GALNT14: variants seen among roughly 807,000 people sequenced by gnomAD.
The protein encoded by GALNT14 is polypeptide N-acetylgalactosaminyltransferase 14.
In GALNT14, 60 loss-of-function variants were observed where a neutral mutation model predicts 77.5. The observed-to-expected ratio is 0.77, with a 90% CI of 0.63 to 0.96. The LOEUF (loss-of-function observed/expected upper bound fraction) is 0.96. Among genes scored for constraint, GALNT14 ranks in the 40% least tolerant of loss-of-function variants. GALNT14 has a pLI of 0.00. For missense variants in GALNT14, 710 were observed against 731.0 expected (o/e 0.97, Z 0.33); for synonymous variants, 280 against 281.7 (o/e 0.99, Z 0.06).
At chr2:30,984,043 A>G (rs181089763) in intron 2 of GALNT14, among the ~76,000 whole-genome samples, 5 of 152,250 alleles carry the variant, frequency 3.3e-5, no homozygotes, top group Admixed American at 6.5e-5. Flanking sequence ...TGTTCTGCTC[A>G]AGTCTGTGCA....
the GALNT14 span, among the ~76,000 whole-genome samples, chr2:30,891,394 A>G: frequency 7.7e-3 from 1,170 of 152,288 alleles, 11 homozygotes; most frequent in African/African-American, 0.025. Flanking sequence ...AGGGTTTACT[A>G]ACAGGTGGGG....
chr2:31,084,655 G>A (rs1676325011), intron 1 of GALNT14, among the ~76,000 whole-genome samples: 1 of 152,142 alleles, frequency 6.6e-6, no homozygotes, highest in Admixed American at 6.5e-5. Context: ...GCAGCCTAAT[G>A]CAAGTCATTT....
chr2:31,118,386 C>T (rs201164382), intron 1 of GALNT14, among the ~76,000 whole-genome samples: 2 of 152,024 alleles, frequency 1.3e-5, no homozygotes, highest in Non-Finnish European at 2.9e-5. Context: ...TCAACAAATA[C>T]AAGCCAGTAG....
chr2:31,097,886 CACTA>C (rs1677079860), intron 1 of GALNT14, among the ~76,000 whole-genome samples: 1 of 152,164 alleles, frequency 6.6e-6, no homozygotes, highest in African/African-American at 2.4e-5. Flanking sequence ...TCAAGCTCAG[CACTA>C]ACTAGCTGAG....
chr2:30,924,360 G>T, intron 12 of GALNT14, 97 bp from the exon 13 acceptor site: 1 of 1,321,120 alleles, frequency 7.6e-7, no homozygotes, highest in Non-Finnish European at 1.1e-6. Context: ...AGAATGGCAG[G>T]GCTGGGCTGT....
chr2:30,993,209 G>A (rs894747032), intron 1 of GALNT14, among the ~76,000 whole-genome samples: 3 of 152,168 alleles, frequency 2.0e-5, no homozygotes, highest in Non-Finnish European at 2.9e-5. Flanking sequence ...ACCATTTTCT[G>A]AGCACTTCTA....
At chr2:30,940,806 C>G (rs1666333371) in intron 9 of GALNT14, among the ~76,000 whole-genome samples, 1 of 152,148 alleles carries the variant, frequency 6.6e-6, no homozygotes, top group Non-Finnish European at 1.5e-5. Flanking sequence ...CTATCACATT[C>G]CAGAAGGCCT....
intron 1 of GALNT14, among the ~76,000 whole-genome samples, chr2:30,994,946 G>A (rs1669931242): frequency 6.6e-6 from 1 of 152,174 alleles, no homozygotes; most frequent in Non-Finnish European, 1.5e-5. Context: ...GGCTATGAGA[G>A]CAGAGGAGTG....
At chr2:31,129,768 G>A (rs1377167027) in intron 1 of GALNT14, 2 of 537,600 alleles carry the variant, frequency 3.7e-6, no homozygotes, top group Non-Finnish European at 4.8e-6. Context: ...TGAGGAATAA[G>A]AGAAGCTACA....
chr2:30,971,671 T>A (rs1668364055), intron 2 of GALNT14, among the ~76,000 whole-genome samples: 1 of 152,116 alleles, frequency 6.6e-6, no homozygotes, highest in Admixed American at 6.5e-5. Context: ...AGGAAAGTGC[T>A]CTGAGATGCT....
At chr2:31,040,481 G>A (rs2148498293) in intron 1 of GALNT14, among the ~76,000 whole-genome samples, 1 of 152,296 alleles carries the variant, frequency 6.6e-6, no homozygotes, top group South Asian at 2.1e-4. Flanking sequence ...TGGAGGTACT[G>A]TGAGTGGTGG....
chr2:30,902,111 G>C, the GALNT14 span, among the ~76,000 whole-genome samples: 2 of 152,172 alleles, frequency 1.3e-5, no homozygotes, highest in African/African-American at 4.8e-5. Context: ...GGAAAGCTTG[G>C]CTACACACAT....
At chr2:31,089,321 TC>T (rs543088570) in intron 1 of GALNT14, among the ~76,000 whole-genome samples, 1 of 152,082 alleles carries the variant, frequency 6.6e-6, no homozygotes, top group Non-Finnish European at 1.5e-5. Context: ...TTCTTTTGAG[TC>T]CCCCACAGTA....
intron 1 of GALNT14, among the ~76,000 whole-genome samples, chr2:31,014,609 A>C (rs139084732): frequency 6.6e-6 from 1 of 152,208 alleles, no homozygotes; most frequent in Non-Finnish European, 1.5e-5. Context: ...TGAGGAACGC[A>C]GCATGCTGGG....
At chr2:30,923,662 C>T (rs1477910716) in intron 13 of GALNT14, among the ~76,000 whole-genome samples, 1 of 152,056 alleles carries the variant, frequency 6.6e-6, no homozygotes, top group Non-Finnish European at 1.5e-5. Flanking sequence ...GACTACCTGC[C>T]AGTCAGAGCT....
chr2:31,016,529 C>T (rs941998425), intron 1 of GALNT14, among the ~76,000 whole-genome samples: 5 of 152,080 alleles, frequency 3.3e-5, no homozygotes, highest in African/African-American at 1.2e-4. Flanking sequence ...GTGGGTGCCA[C>T]TGTGCCCCAC....
At chr2:31,090,212 G>A (rs1401852417) in intron 1 of GALNT14, among the ~76,000 whole-genome samples, 1 of 152,122 alleles carries the variant, frequency 6.6e-6, no homozygotes, top group African/African-American at 2.4e-5. Context: ...CAGGCTGGGT[G>A]AGGGCCCCCT....
chr2:30,900,624 C>T, the GALNT14 span, among the ~76,000 whole-genome samples: 1 of 152,108 alleles, frequency 6.6e-6, no homozygotes, highest in Non-Finnish European at 1.5e-5. Context: ...GGATTTTGGT[C>T]TGAGCTGGCA....
chr2:31,138,155 G>A lies in GALNT14; in HGVS notation c.-69C>T, dbSNP rs763564172. On this transcript the variant is annotated 5_prime_UTR_variant, in exon 1 of 15. Transcript: ENST00000349752. ...GCACCCCCCGGCGGTCAGGGTTGGC[G>A]GGGCAGGAGTCCTGGCGAGCGCCTC... 5.5e-4 allele frequency: 888 copies of A among 1,604,192 alleles called. No homozygotes were observed. Among genetic ancestry groups the A allele is most frequent in the Non-Finnish European group, 7.3e-4 (860 of 1,173,132 alleles).
Sources: allele counts gnomAD v4.1 joint callset (sites outside exome capture counted in the v4.1 genomes callset), GRCh38; gene constraint gnomAD v4.1.1; transcripts MANE v1.5; gene names NCBI Gene and HGNC (gene_info 2026-07-23, HGNC 2026-07-21).